Variants in CIB2 observed in about 807,000 individuals in gnomAD.
The protein encoded by CIB2 is calcium and integrin binding family member 2.
A neutral mutation model predicts 23.1 loss-of-function variants in CIB2; 19 were observed. That is an observed-to-expected ratio of 0.82 (90% CI 0.57 to 1.21). CIB2 has a LOEUF of 1.21. Ranked by LOEUF, CIB2 falls within the 50% of genes most tolerant of loss-of-function variation. The probability of loss-of-function intolerance (pLI) is 0.00; values close to 1 mark genes in which losing one functional copy is unlikely to be tolerated. For missense variants in CIB2, 220 were observed against 241.5 expected, an observed-to-expected ratio of 0.91 and a Z score of 0.59; for synonymous variants, 94 against 91.7, an observed-to-expected ratio of 1.03 and a Z score of -0.14.
rs115920103 is a variant in CIB2, at chr15:78,115,551, G to A, written c.87-4275C>T. ...GCTGAGATTACAAGCATGAGCCACCGCACCTGGTCAAAAGTATTTTAAAGT... is the reference window on the plus strand; with the variant it reads ...GCTGAGATTACAAGCATGAGCCACCACACCTGGTCAAAAGTATTTTAAAGT... On this transcript the variant is annotated intron_variant, in intron 2 of 5. Transcript: ENST00000258930. 7.7e-3 allele frequency among the ~76,000 whole-genome samples: 1,173 copies of A among 151,692 alleles called. 10 individuals are homozygous for A. The highest frequency in any genetic ancestry group is 0.026 in the African/African-American group (1,076 of 41,334).
At chr15:78,123,775 G>T in intron 1 of CIB2, 36 bp from the exon 2 acceptor site, 1 of 1,613,656 alleles carries the variant, frequency 6.2e-7, no homozygotes, top group Non-Finnish European at 8.5e-7. Context: ...CAGTCAGTGT[G>T]CGGCTCCCAG....
chr15:78,110,466 C>T (rs2141889974), intron 3 of CIB2, among the ~76,000 whole-genome samples: 1 of 152,372 alleles, frequency 6.6e-6, no homozygotes, highest in Middle Eastern at 3.4e-3. Flanking sequence ...CCATATAGCA[C>T]TCTGACTCCA....
chr15:78,109,202 CATA>C, intron 4 of CIB2, 30 bp downstream of exon 4: 1 of 879,104 alleles, frequency 1.1e-6, no homozygotes, highest in South Asian at 1.5e-5. Context: ...TCCCCCACCG[CATA>C]TTCAGGCCCC....
chr15:78,105,650 A>G lies in CIB2; in HGVS notation c.542+89T>C, dbSNP rs768747420. On this transcript the variant is annotated intron_variant, in intron 5 of 5. Transcript: ENST00000258930. ...GCTTCCTGGCCGCACACCACTGCTC[A>G]CAAATAGCGAGTGATAGGGGCCTCA... The G allele has an allele frequency of 7.5e-6, 12 of 1,601,692 alleles. No individual in the cohort carries two copies. The Admixed American group carries it at 2.0e-4, about 27-fold the overall frequency.
intron 2 of CIB2, among the ~76,000 whole-genome samples, chr15:78,115,079 A>T (rs1284171607): frequency 6.6e-6 from 1 of 152,236 alleles, no homozygotes. Flanking sequence ...CCAATTTGAT[A>T]GATGCATTTA....
At position 78,128,663 on chromosome 15, in the gene CIB2, C is replaced by A. The variant is rs112263607; in HGVS notation, c.51+2502G>T. On this transcript the variant is annotated intron_variant, in intron 1 of 5. Transcript: ENST00000258930. ...CCGAGATCACACCACTGCACTCCAGCCTGGGTGACAGGGCGAGCGAGACTC... is the reference window on the plus strand; with the variant it reads ...CCGAGATCACACCACTGCACTCCAGACTGGGTGACAGGGCGAGCGAGACTC... Among the ~76,000 whole-genome samples the A allele has an allele frequency of 7.9e-3, 1,189 of 151,082 alleles. 14 individuals are homozygous for A. The highest frequency in any genetic ancestry group is 0.028 in the African/African-American group (1,142 of 41,040).
chr15:78,129,303 G>C (rs2074422857), intron 1 of CIB2, among the ~76,000 whole-genome samples: 1 of 152,120 alleles, frequency 6.6e-6, no homozygotes, highest in Admixed American at 6.5e-5. Flanking sequence ...CCGCCTGGCA[G>C]GGTCTAGCTA....
chr15:78,123,573 C>T, intron 2 of CIB2, 132 bp downstream of exon 2: 1 of 919,416 alleles, frequency 1.1e-6, no homozygotes, highest in Non-Finnish European at 1.8e-6. Context: ...GAGTGGGGAC[C>T]TGAATGTGGC....
rs1446797386 is a variant in CIB2 at position 78,105,059 on chromosome 15, C to T, written c.*252G>A. On this transcript the variant is annotated 3_prime_UTR_variant, in exon 6 of 6. Coordinates refer to ENST00000258930, the MANE Select transcript of CIB2 (RefSeq NM_006383.4). ...AGTAGGAAAGGACTGGGGCATGGGGCGGGGTGCGGAGGGCCTGGAGAGAGG... is the reference window on the plus strand; with the variant it reads ...AGTAGGAAAGGACTGGGGCATGGGGTGGGGTGCGGAGGGCCTGGAGAGAGG... The T allele has an allele frequency of 2.3e-5, 12 of 519,512 alleles. No homozygotes were observed. Among genetic ancestry groups the T allele is most frequent in the African/African-American group, 3.9e-5 (2 of 51,508 alleles). 32.2% of individuals were successfully genotyped at this position (519,512 alleles called of 1,614,324 possible).
chr15:78,126,054 C>A (rs2059891097), intron 1 of CIB2, among the ~76,000 whole-genome samples: 1 of 151,966 alleles, frequency 6.6e-6, no homozygotes, highest in African/African-American at 2.4e-5. Context: ...TGAGACTCAG[C>A]AAAGTTGAGT....
At chr15:78,109,196 C>CT in intron 4 of CIB2, 39 bp downstream of exon 4, 3 of 1,219,696 alleles carry the variant, frequency 2.5e-6, no homozygotes, top group South Asian at 1.3e-5. Flanking sequence ...ACATGTTCCC[C>CT]CACCGCATAT....
Position 78,105,096 on chromosome 15 carries a change from G to A in CIB2, c.*215C>T, listed in dbSNP as rs1421954258. ...GGCCTGGAGAGAGGCCATGGGTCCC[G>A]GGGCTGGACCACAGCGGGGCTGTGG... On this transcript the variant is annotated 3_prime_UTR_variant, in exon 6 of 6. Coordinates refer to ENST00000258930, the MANE Select transcript of CIB2 (RefSeq NM_006383.4). 3.2e-5 allele frequency: 20 copies of A among 618,340 alleles called. No individual in the cohort carries two copies. The highest frequency in any genetic ancestry group is 2.6e-4 in the African/African-American group (14 of 53,952). 38.3% of individuals were successfully genotyped at this position (618,340 alleles called of 1,614,324 possible). A position where few individuals can be genotyped will look rare whatever the true frequency, so the allele number is the denominator to read the frequency against.
rs1305436331 is a variant in CIB2, at chr15:78,109,225, C to G, written c.346+10G>C. 1 of 1,234,154 alleles carries G rather than the reference C, an allele frequency of 8.1e-7. No homozygotes were observed. The highest frequency in any genetic ancestry group is 1.1e-6 in the Non-Finnish European group (1 of 888,018). 76.5% of individuals were successfully genotyped at this position (1,234,154 alleles called of 1,614,324 possible). A position where few individuals can be genotyped will look rare whatever the true frequency, so the allele number is the denominator to read the frequency against. ...CGCATATTCAGGCCCCCTCCTCTAG[C>G]CCTGGTTACCATAGATCTTGAAGGC... On this transcript the variant is annotated intron_variant, in intron 4 of 5. Coordinates refer to ENST00000258930, the MANE Select transcript of CIB2 (RefSeq NM_006383.4).
At chr15:78,128,681 C>G (rs1181151372) in intron 1 of CIB2, among the ~76,000 whole-genome samples, 12 of 140,778 alleles carry the variant, frequency 8.5e-5, no homozygotes, top group Admixed American at 8.2e-4. Context: ...ACAGGGCGAG[C>G]GAGACTCCGT....
intron 1 of CIB2, among the ~76,000 whole-genome samples, chr15:78,128,425 C>G (rs1403929760): frequency 6.6e-6 from 1 of 152,074 alleles, no homozygotes; most frequent in Non-Finnish European, 1.5e-5. Context: ...ACCTGTAATC[C>G]CAACACTCTG....
intron 1 of CIB2, among the ~76,000 whole-genome samples, chr15:78,126,169 G>C (rs1047125979): frequency 2.1e-5 from 3 of 142,074 alleles, no homozygotes; most frequent in Non-Finnish European, 4.5e-5. Flanking sequence ...TTGAGACGGA[G>C]TCTTGCTCTG....
chr15:78,105,615 G>A (rs745407878), intron 5 of CIB2, 124 bp downstream of exon 5: 535 of 1,559,312 alleles, frequency 3.4e-4, no homozygotes, highest in Non-Finnish European at 4.2e-4. Context: ...TGGCTTGAAC[G>A]TGACCTCCTG....
Position 78,131,296 on chromosome 15 carries a change from C to G in CIB2, c.-81G>C, listed in dbSNP as rs1259173710. On this transcript the variant is annotated 5_prime_UTR_variant, in exon 1 of 6. Transcript: ENST00000258930. This position sits in a 1 kb window ranked among gnomAD's most constrained non-coding sequence, Gnocchi z 5.8. ...CCAGACCCGGAGCCAGCGCCCCGTG[C>G]CCGCGGCCCTCGGCAGCCCCGCGGC... The G allele has an allele frequency of 3.5e-6, 4 of 1,140,226 alleles. No individual in the cohort carries two copies. Among genetic ancestry groups the G allele is most frequent in the Non-Finnish European group, 3.3e-6 (3 of 915,438 alleles). 70.6% of individuals were successfully genotyped at this position (1,140,226 alleles called of 1,614,324 possible).
chr15:78,109,229 G>C lies in CIB2; in HGVS notation c.346+6C>G, dbSNP rs1433806143. On this transcript the variant is annotated splice_donor_region_variant and intron_variant, in intron 4 of 5. Transcript: ENST00000258930. ...TATTCAGGCCCCCTCCTCTAGCCCT[G>C]GTTACCATAGATCTTGAAGGCATAG... is the stretch of plus-strand genomic sequence containing the variant. 6.3e-7 allele frequency: 1 copy of C among 1,592,396 alleles called. No homozygotes were observed. The highest frequency in any genetic ancestry group is 8.5e-7 in the Non-Finnish European group (1 of 1,170,632).
Sources: gnomAD v4.1 joint callset for allele counts (sites outside exome capture counted in the v4.1 genomes callset) on GRCh38, gnomAD v4.1.1 for gene constraint, Gnocchi (gnomAD v3.1) non-coding constraint, MANE v1.5 for transcripts, NCBI Gene and HGNC (gene_info 2026-07-23, HGNC 2026-07-21) for gene names.